RSPO2: variants seen among roughly 807,000 people sequenced by gnomAD.
RSPO2 encodes the protein R-spondin-2.
Under a neutral mutation model 30.9 loss-of-function variants are expected in RSPO2, and 14 were observed. The observed-to-expected ratio is 0.45, with a 90% CI of 0.30 to 0.71. The LOEUF is 0.71. RSPO2 is among the 30% of genes least tolerant of loss of function. RSPO2 has a pLI of 0.08. For synonymous variants in RSPO2, 107 were observed against 96.4 expected (o/e 1.11, Z -0.64); for missense variants, 264 against 301.9 (o/e 0.87, Z 0.93).
In RSPO2 at chr8:107,958,243, G is replaced by A. The variant is rs150297181; in HGVS notation, c.453C>T (p.Ser151=). The A allele has an allele frequency of 1.7e-5, 27 of 1,612,684 alleles. No individual in the cohort carries two copies. Among genetic ancestry groups the A allele is most frequent in the South Asian group, 6.6e-5 (6 of 90,970 alleles). Reference sequence around the variant, plus strand: ...TATTTCTGCTACAAGTTCCCCATTCGCTCCAATGACCAACTTCACATCCTT... The same window carrying A: ...TATTTCTGCTACAAGTTCCCCATTCACTCCAATGACCAACTTCACATCCTT... ...CVEGCEVGHW[S]EWGTCSRNNR... Residue 151 remains serine, a synonymous_variant, in exon 5 of 6, where the codon AGC becomes AGT. Transcript: ENST00000276659.
At chr8:107,964,235 GTTCA>G (rs757686435) in intron 3 of RSPO2, among the ~76,000 whole-genome samples, 6 of 152,072 alleles carry the variant, frequency 3.9e-5, no homozygotes, top group Admixed American at 6.5e-5. Flanking sequence ...GCATTCATTC[GTTCA>G]TTCATTCATT....
chr8:108,049,338 T>G (rs1812006949), intron 2 of RSPO2, among the ~76,000 whole-genome samples: 1 of 152,090 alleles, frequency 6.6e-6, no homozygotes, highest in Admixed American at 6.6e-5. Context: ...AAAATGACCC[T>G]TGTTTTTTGG....
intron 3 of RSPO2, among the ~76,000 whole-genome samples, chr8:107,973,532 TCACACACACACACACA>T (rs4035018): frequency 1.3e-5 from 2 of 149,650 alleles, no homozygotes; most frequent in Admixed American, 6.6e-5. Flanking sequence ...AGACACACAC[TCACACACACACACACA>T]CACACACACA....
At chr8:107,928,769 G>T (rs562889) in intron 5 of RSPO2, among the ~76,000 whole-genome samples, 1,966 of 152,268 alleles carry the variant, frequency 0.013, 22 homozygotes, top group Non-Finnish European at 0.02. Context: ...TGAAGTGTGA[G>T]AAATAGTAGT....
intron 2 of RSPO2, among the ~76,000 whole-genome samples, chr8:108,005,457 C>T (rs755284009): frequency 6.6e-6 from 1 of 151,808 alleles, no homozygotes; most frequent in Non-Finnish European, 1.5e-5. Flanking sequence ...TCTTTAACTC[C>T]GTCATTTCCT....
intron 2 of RSPO2, among the ~76,000 whole-genome samples, chr8:108,007,154 C>T (rs757179776): frequency 6.6e-6 from 1 of 152,102 alleles, no homozygotes; most frequent in Non-Finnish European, 1.5e-5. Flanking sequence ...ACATTGCATT[C>T]GGTTTAGTCT....
intron 4 of RSPO2, 80 bp from the exon 5 acceptor site, chr8:107,958,348 AC>A (rs1813500009): frequency 8.5e-7 from 1 of 1,183,240 alleles, no homozygotes; most frequent in African/African-American, 1.5e-5. Flanking sequence ...CATCAAATTT[AC>A]AGAGCAGTGT....
chr8:108,052,186 A>G (rs530371836), intron 2 of RSPO2, among the ~76,000 whole-genome samples: 10 of 152,294 alleles, frequency 6.6e-5, no homozygotes, highest in Non-Finnish European at 1.5e-4. Context: ...CTAGATTTGC[A>G]TGTTTCTATG....
At chr8:107,971,212 G>C (rs1310194241) in intron 3 of RSPO2, among the ~76,000 whole-genome samples, 2 of 152,140 alleles carry the variant, frequency 1.3e-5, no homozygotes, top group Non-Finnish European at 2.9e-5. Context: ...TCACTTACAA[G>C]AACTACCAAA....
chr8:107,909,136 A>C (rs1337356540), intron 5 of RSPO2, among the ~76,000 whole-genome samples: 1 of 152,122 alleles, frequency 6.6e-6, no homozygotes, highest in African/African-American at 2.4e-5. Context: ...GGTGGTTTAG[A>C]TATGAAGCAA....
At chr8:107,999,815 CAAA>C (rs3046257) in intron 2 of RSPO2, among the ~76,000 whole-genome samples, 7,845 of 149,018 alleles carry the variant, frequency 0.053, 689 homozygotes, top group African/African-American at 0.18. Context: ...TAATATCTTC[CAAA>C]AAAAAAAAAT....
At chr8:107,977,414 C>T (rs1351970166) in intron 3 of RSPO2, among the ~76,000 whole-genome samples, 1 of 152,186 alleles carries the variant, frequency 6.6e-6, no homozygotes, top group East Asian at 1.9e-4. Flanking sequence ...TGTGTTTTAA[C>T]AGGTGGTTCT....
intron 3 of RSPO2, among the ~76,000 whole-genome samples, chr8:107,982,093 A>T (rs1201521075): frequency 1.3e-5 from 2 of 152,002 alleles, no homozygotes; most frequent in Non-Finnish European, 2.9e-5. Flanking sequence ...GCCTAAATAC[A>T]TATTTCACAA....
intron 5 of RSPO2, among the ~76,000 whole-genome samples, chr8:107,901,636 G>T (rs1179007952): frequency 3.3e-5 from 5 of 152,144 alleles, no homozygotes; most frequent in African/African-American, 1.2e-4. Flanking sequence ...TCCCCATGGG[G>T]GAAAAAGAGT....
intron 2 of RSPO2, among the ~76,000 whole-genome samples, chr8:108,011,062 G>C (rs537821079): frequency 1.3e-5 from 2 of 149,634 alleles, no homozygotes; most frequent in East Asian, 3.9e-4. Flanking sequence ...GAGCCCAGGA[G>C]GCAGAGGTTG....
intron 2 of RSPO2, among the ~76,000 whole-genome samples, chr8:108,007,901 G>A: frequency 6.6e-6 from 1 of 151,954 alleles, no homozygotes; most frequent in East Asian, 1.9e-4. Context: ...AATTAGGCCT[G>A]TGAATAGCCA....
chr8:107,976,354 C>G (rs1046010895), intron 3 of RSPO2, among the ~76,000 whole-genome samples: 1 of 152,210 alleles, frequency 6.6e-6, no homozygotes, highest in Non-Finnish European at 1.5e-5. Context: ...CTGTTCTTAG[C>G]TCTCCATACT....
intron 5 of RSPO2, among the ~76,000 whole-genome samples, chr8:107,946,513 T>A (rs1773851403): frequency 6.6e-6 from 1 of 152,134 alleles, no homozygotes; most frequent in African/African-American, 2.4e-5. Flanking sequence ...CCTGTGGGAC[T>A]GGGGCACAGA....
chr8:107,976,817 T>C (rs1293482212), intron 3 of RSPO2, among the ~76,000 whole-genome samples: 1 of 152,164 alleles, frequency 6.6e-6, no homozygotes, highest in Non-Finnish European at 1.5e-5. Flanking sequence ...TTTTAAACTA[T>C]TGCACAAAAT....
Sources: gnomAD v4.1 joint callset for allele counts (sites outside exome capture counted in the v4.1 genomes callset) on GRCh38, gnomAD v4.1.1 for gene constraint, MANE v1.5 for transcripts, NCBI Gene and HGNC (gene_info 2026-07-23, HGNC 2026-07-21) for gene names.